CADM2: variants seen among roughly 807,000 people sequenced by gnomAD.
CADM2 encodes cell adhesion molecule 2.
A neutral mutation model predicts 49.8 loss-of-function variants in CADM2; 12 were observed. That is an observed-to-expected ratio of 0.24 (90% confidence interval 0.15 to 0.39). The LOEUF is 0.39. CADM2 is among the 10% of genes least tolerant of loss of function. The pLI, the probability that CADM2 is intolerant of heterozygous loss-of-function variation, is 1.00. For missense variants in CADM2, 378 were observed against 492.3 expected (o/e 0.77, Z 2.20); for synonymous variants, 214 against 175.4 (o/e 1.22, Z -1.74).
intron 1 of CADM2, among the ~76,000 whole-genome samples, chr3:85,568,635 G>A (rs1450742972): frequency 1.2e-5 from 1 of 85,730 alleles, no homozygotes; most frequent in Non-Finnish European, 2.2e-5. Flanking sequence ...TTTACAGTCT[G>A]TCTGTTGCCG....
intron 8 of CADM2, among the ~76,000 whole-genome samples, chr3:86,012,325 T>C (rs986509149): frequency 2.0e-5 from 3 of 152,212 alleles, no homozygotes; most frequent in Non-Finnish European, 4.4e-5. Flanking sequence ...GGTGTCATCT[T>C]GTCAATATGC....
intron 3 of CADM2, among the ~76,000 whole-genome samples, chr3:85,809,693 T>G (rs2072697934): frequency 7.7e-6 from 1 of 129,378 alleles, no homozygotes; most frequent in African/African-American, 3.0e-5. Flanking sequence ...CCTTCCTTCC[T>G]TCCTTCCTTC....
intron 3 of CADM2, among the ~76,000 whole-genome samples, chr3:85,848,515 T>C (rs2074971830): frequency 1.3e-5 from 2 of 152,146 alleles, no homozygotes; most frequent in Non-Finnish European, 2.9e-5. Flanking sequence ...TGATGAGTTG[T>C]GCAAAAACTA....
chr3:85,895,991 T>C (rs2108433764), intron 5 of CADM2, among the ~76,000 whole-genome samples: 1 of 152,300 alleles, frequency 6.6e-6, no homozygotes, highest in African/African-American at 2.4e-5. Context: ...AGTTCATTCT[T>C]TAAAATGTTG....
chr3:85,053,942 C>G (rs563047970), intron 1 of CADM2, among the ~76,000 whole-genome samples: 1 of 151,614 alleles, frequency 6.6e-6, no homozygotes, highest in Non-Finnish European at 1.5e-5. Context: ...TCCTGTAGTC[C>G]TCATGATTGC....
At chr3:85,673,178 T>A (rs1283513395) in intron 1 of CADM2, among the ~76,000 whole-genome samples, 1 of 152,166 alleles carries the variant, frequency 6.6e-6, no homozygotes, top group Non-Finnish European at 1.5e-5. Flanking sequence ...AAAAAAGCCC[T>A]CTGCCTGTGT....
In CADM2 at chr3:85,144,245, G is replaced by GCACACACA. The variant is rs3083491; in HGVS notation, c.61+184596_61+184603dup. 5.4e-3 allele frequency among the ~76,000 whole-genome samples: 798 copies of GCACACACA among 149,026 alleles called. 2 individuals are homozygous for GCACACACA. Among genetic ancestry groups the GCACACACA allele is most frequent in the Middle Eastern group, 0.017 (5 of 288 alleles). On this transcript the variant is annotated intron_variant, in intron 1 of 9. Coordinates refer to ENST00000383699, the MANE Select transcript of CADM2 (RefSeq NM_001167675.2). ...CCATCTAAAGTATTTTGTTACACACGCACACACACACACACACACACACAC... is the reference window on the plus strand; with the variant it reads ...CCATCTAAAGTATTTTGTTACACACGCACACACACACACACACACACACACACACACAC...
At chr3:85,005,082 A>G (rs1436577799) in intron 1 of CADM2, among the ~76,000 whole-genome samples, 1 of 152,184 alleles carries the variant, frequency 6.6e-6, no homozygotes, top group Non-Finnish European at 1.5e-5. Context: ...TAGCTGGGCT[A>G]CTTATATTCC....
chr3:85,921,791 T>C (rs1432299373), intron 6 of CADM2, among the ~76,000 whole-genome samples: 1 of 152,044 alleles, frequency 6.6e-6, no homozygotes, highest in Non-Finnish European at 1.5e-5. Context: ...TCATCCAATT[T>C]AATTCTACAG....
intron 1 of CADM2, among the ~76,000 whole-genome samples, chr3:85,453,962 T>A (rs1325610086): frequency 6.6e-6 from 1 of 152,078 alleles, no homozygotes; most frequent in Non-Finnish European, 1.5e-5. Flanking sequence ...AACTACCACA[T>A]GTAGTAAGCA....
intron 1 of CADM2, among the ~76,000 whole-genome samples, chr3:85,540,686 A>G (rs1308810280): frequency 2.0e-5 from 3 of 152,154 alleles, no homozygotes; most frequent in East Asian, 1.9e-4. Context: ...CATTTGCAAA[A>G]GGCATTTTAT....
intron 1 of CADM2, among the ~76,000 whole-genome samples, chr3:84,968,961 G>T (rs540394305): frequency 3.6e-4 from 55 of 152,122 alleles, no homozygotes; most frequent in Non-Finnish European, 7.1e-4. Context: ...AATACTGGTG[G>T]AAGTATAGAG....
intron 6 of CADM2, among the ~76,000 whole-genome samples, chr3:85,931,268 A>T (rs1436104000): frequency 2.0e-5 from 3 of 151,918 alleles, no homozygotes; most frequent in Non-Finnish European, 4.4e-5. Context: ...AGAAAAAGAA[A>T]GAGAGAGCAA....
chr3:86,015,986 C>A lies in CADM2; in HGVS notation c.971-49619C>A, dbSNP rs548807062. ...GCTGTTATTTTTGATGAAGAAAATC[C>A]ATTTTGTATAGTTTATTTCAATCAA... On this transcript the variant is annotated intron_variant, in intron 8 of 9. Coordinates refer to ENST00000383699, the MANE Select transcript of CADM2 (RefSeq NM_001167675.2). Among the ~76,000 whole-genome samples the A allele has an allele frequency of 6.1e-4, 92 of 152,038 alleles. No individual in the cohort carries two copies. In the South Asian group the frequency reaches 0.018, roughly 30 times the overall value.
At chr3:85,493,834 A>G (rs2039776244) in intron 1 of CADM2, among the ~76,000 whole-genome samples, 1 of 152,206 alleles carries the variant, frequency 6.6e-6, no homozygotes, top group South Asian at 2.1e-4. Flanking sequence ...AATGTCACTC[A>G]AGAACATCCC....
At chr3:85,189,322 G>C (rs776306833) in intron 1 of CADM2, among the ~76,000 whole-genome samples, 2 of 148,620 alleles carry the variant, frequency 1.3e-5, no homozygotes, top group Non-Finnish European at 3.0e-5. Context: ...GAAGTTGCAA[G>C]TTTTTTTTTT....
chr3:85,360,603 C>T (rs1007844137), intron 1 of CADM2, among the ~76,000 whole-genome samples: 2 of 152,152 alleles, frequency 1.3e-5, no homozygotes, highest in African/African-American at 4.8e-5. Context: ...TTAGTGCCAT[C>T]GTTTAGAGTA....
At chr3:85,472,787 C>A (rs2038822822) in intron 1 of CADM2, among the ~76,000 whole-genome samples, 1 of 152,012 alleles carries the variant, frequency 6.6e-6, no homozygotes, top group Non-Finnish European at 1.5e-5. Flanking sequence ...CATTCTCTCT[C>A]TCTCTGTCTC....
chr3:85,830,572 G>C (rs1055449646), intron 3 of CADM2, among the ~76,000 whole-genome samples: 2 of 151,406 alleles, frequency 1.3e-5, no homozygotes, highest in African/African-American at 2.4e-5. Flanking sequence ...TCAGGCTTTG[G>C]TATCGTATTC....
Sources: allele counts gnomAD v4.1 joint callset (sites outside exome capture counted in the v4.1 genomes callset), GRCh38; gene constraint gnomAD v4.1.1; transcripts MANE v1.5; gene names NCBI Gene and HGNC (gene_info 2026-07-23, HGNC 2026-07-21).